The following SYT16 variants were observed in gnomAD, a reference collection of about 807,000 sequenced individuals.
SYT16 encodes synaptotagmin-16.
SYT16 carries 42 observed loss-of-function variants against 61.4 expected under a neutral mutation model. The ratio of observed to expected loss-of-function variants is 0.68; its 90% confidence interval spans 0.53 to 0.89. The LOEUF is 0.89. Among genes scored for constraint, SYT16 ranks in the 40% least tolerant of loss-of-function variants. The pLI is 0.00. For missense variants in SYT16, 804 were observed against 807.3 expected, an observed-to-expected ratio of 1.00 and a Z score of 0.05; for synonymous variants, 314 against 302.3, an observed-to-expected ratio of 1.04 and a Z score of -0.40.
chr14:61,923,593 A>C lies in SYT16; in HGVS notation c.-324-46539A>C, dbSNP rs115351542. On this transcript the variant is annotated intron_variant, in intron 1 of 7. Transcript: ENST00000683842. ...AAACATTTCAAGCTGTTTGTTTTAC[A>C]GTTGTTTCCAAATAGGCGCCCTAGT... Among the ~76,000 whole-genome samples, 815 of 152,246 alleles carry C rather than the reference A, an allele frequency of 5.4e-3. 5 individuals carry two copies. Among genetic ancestry groups the C allele is most frequent in the Middle Eastern group, 0.037 (11 of 294 alleles).
At chr14:61,938,536 T>A (rs954412262) in intron 1 of SYT16, among the ~76,000 whole-genome samples, 4 of 152,148 alleles carry the variant, frequency 2.6e-5, no homozygotes, top group African/African-American at 7.2e-5. Context: ...GGCAATGCGC[T>A]GAGGTTGTTA....
chr14:61,937,532 C>T (rs996130577), intron 1 of SYT16, among the ~76,000 whole-genome samples: 5 of 152,150 alleles, frequency 3.3e-5, no homozygotes, highest in Admixed American at 6.5e-5. Flanking sequence ...ATTACTGAAG[C>T]GTTTGCTGAC....
At chr14:62,024,093 C>A (rs965661219) in intron 3 of SYT16, among the ~76,000 whole-genome samples, 2 of 152,016 alleles carry the variant, frequency 1.3e-5, no homozygotes, top group African/African-American at 4.8e-5. Flanking sequence ...TAAAACAGCT[C>A]AGATATGAAC....
intron 2 of SYT16, among the ~76,000 whole-genome samples, chr14:61,991,950 G>GTTCA (rs75057544): frequency 0.22 from 32,263 of 149,092 alleles, 3,638 homozygotes; most frequent in Non-Finnish European, 0.24. Flanking sequence ...AACTTTGTTC[G>GTTCA]TTCATTCATT....
intron 1 of SYT16, among the ~76,000 whole-genome samples, chr14:61,966,138 T>C (rs1453146198): frequency 1.3e-5 from 2 of 151,318 alleles, no homozygotes; most frequent in African/African-American, 2.4e-5. Context: ...ACAAGAATTG[T>C]TATTAACAAA....
chr14:61,983,653 G>A (rs2052180649), intron 2 of SYT16, among the ~76,000 whole-genome samples: 1 of 152,014 alleles, frequency 6.6e-6, no homozygotes, highest in African/African-American at 2.4e-5. Flanking sequence ...AGTTTCCTAA[G>A]TAGCTTGGAC....
At chr14:61,993,207 G>T (rs989816296) in intron 2 of SYT16, among the ~76,000 whole-genome samples, 1 of 150,328 alleles carries the variant, frequency 6.7e-6, no homozygotes, top group African/African-American at 2.4e-5. Flanking sequence ...AGTGGGAGTT[G>T]AACAGTGAGA....
intron 1 of SYT16, among the ~76,000 whole-genome samples, chr14:61,813,082 C>A (rs1368431974): frequency 6.6e-6 from 1 of 152,236 alleles, no homozygotes. Flanking sequence ...CCATCGCAGC[C>A]CTTCGCGGGC....
chr14:62,045,149 TA>T lies in SYT16; in HGVS notation c.524-24451del, dbSNP rs538754483. ...TGAGACTATGTCTAAAATAAATAAATAAATAAATAAATAAAATAAATTTTGT... is the reference window on the plus strand; with the variant it reads ...TGAGACTATGTCTAAAATAAATAAATAATAAATAAATAAAATAAATTTTGT... On this transcript the variant is annotated intron_variant, in intron 3 of 7. Transcript: ENST00000683842. 8.4e-3 allele frequency among the ~76,000 whole-genome samples: 1,272 copies of T among 152,046 alleles called. 21 individuals are homozygous for T. The highest frequency in any genetic ancestry group is 0.027 in the African/African-American group (1,124 of 41,476).
At chr14:61,949,763 T>TG (rs1310625896) in intron 1 of SYT16, among the ~76,000 whole-genome samples, 2 of 152,210 alleles carry the variant, frequency 1.3e-5, no homozygotes, top group Non-Finnish European at 2.9e-5. Context: ...TGATCTCGGT[T>TG]AACCCATGTA....
intron 1 of SYT16, among the ~76,000 whole-genome samples, chr14:61,862,408 T>G (rs998963284): frequency 1.2e-4 from 18 of 152,218 alleles, no homozygotes; most frequent in African/African-American, 4.3e-4. Context: ...CTTAACATAA[T>G]GCTTTGGAGA....
intron 3 of SYT16, among the ~76,000 whole-genome samples, chr14:62,024,163 A>G (rs555243261): frequency 1.2e-3 from 189 of 152,254 alleles, no homozygotes; most frequent in South Asian, 8.5e-3. Flanking sequence ...AAAATTTTGT[A>G]TATAATATTT....
chr14:61,971,283 C>A (rs756293481), intron 2 of SYT16, among the ~76,000 whole-genome samples: 1 of 152,162 alleles, frequency 6.6e-6, no homozygotes, highest in Non-Finnish European at 1.5e-5. Context: ...TCTAACAGTT[C>A]TTGAAGTTCA....
At position 62,069,088 on chromosome 14, in the gene SYT16, G is replaced by A. The variant is rs572278873; in HGVS notation, c.524-515G>A. 5.3e-5 allele frequency among the ~76,000 whole-genome samples: 8 copies of A among 152,288 alleles called. No homozygotes were observed. In the South Asian group the frequency reaches 6.2e-4, roughly 12 times the overall value. ...TGGGATTACAGGCGTGAGCCACTGCGTCTGGTGGGGTCTCTTTTCAAAACT... is the reference window on the plus strand; with the variant it reads ...TGGGATTACAGGCGTGAGCCACTGCATCTGGTGGGGTCTCTTTTCAAAACT... On this transcript the variant is annotated intron_variant, in intron 3 of 7. Transcript: ENST00000683842.
intron 1 of SYT16, among the ~76,000 whole-genome samples, chr14:61,878,482 AT>A (rs1247873219): frequency 4.6e-5 from 7 of 152,326 alleles, no homozygotes; most frequent in Admixed American, 3.9e-4. Flanking sequence ...AGCACAAGGT[AT>A]CTGATTTTCA....
At chr14:61,976,450 TC>T (rs2051806875) in intron 2 of SYT16, among the ~76,000 whole-genome samples, 2 of 152,174 alleles carry the variant, frequency 1.3e-5, no homozygotes, top group Admixed American at 1.3e-4. Context: ...AGGGCTCAGC[TC>T]CTGCAGCAAA....
chr14:61,966,195 G>T (rs756855520), intron 1 of SYT16, among the ~76,000 whole-genome samples: 1 of 151,750 alleles, frequency 6.6e-6, no homozygotes. Flanking sequence ...TAACATAAGG[G>T]CCATTTTCTA....
At chr14:61,842,976 G>A (rs907394722) in intron 1 of SYT16, among the ~76,000 whole-genome samples, 3 of 152,010 alleles carry the variant, frequency 2.0e-5, no homozygotes, top group African/African-American at 4.8e-5. Context: ...CTTTATCCAC[G>A]CATCTGTGAT....
chr14:61,864,305 G>T (rs17099286), intron 1 of SYT16, among the ~76,000 whole-genome samples: 1 of 152,180 alleles, frequency 6.6e-6, no homozygotes, highest in Non-Finnish European at 1.5e-5. Flanking sequence ...CCCTTTTGGC[G>T]GAGCAGGAAC....
Sources: gnomAD v4.1 joint callset for allele counts (sites outside exome capture counted in the v4.1 genomes callset) on GRCh38, gnomAD v4.1.1 for gene constraint, MANE v1.5 for transcripts, NCBI Gene and HGNC (gene_info 2026-07-23, HGNC 2026-07-21) for gene names.